Variants in TTC34 observed in about 807,000 individuals in gnomAD.
TTC34 encodes the protein tetratricopeptide repeat protein 34.
A neutral mutation model predicts 40.7 loss-of-function variants in TTC34; 44 were observed. The observed-to-expected ratio is 1.08, with a 90% confidence interval of 0.85 to 1.39. TTC34 has a LOEUF of 1.39. Ranked by LOEUF, TTC34 falls within the 40% of genes most tolerant of loss-of-function variation. The pLI is 0.00. For synonymous variants in TTC34, 422 were observed against 398.6 expected, an observed-to-expected ratio of 1.06 and a Z score of -0.70; for missense variants, 884 against 838.0, an observed-to-expected ratio of 1.05 and a Z score of -0.68.
intron 6 of TTC34, among the ~76,000 whole-genome samples, chr1:2,764,578 A>C (rs1641744631): frequency 7.7e-6 from 1 of 130,036 alleles, no homozygotes; most frequent in Non-Finnish European, 1.7e-5. Flanking sequence ...AGCAGCGCCC[A>C]CACACTGAGG....
At chr1:2,787,811 G>A in intron 3 of TTC34, 105 bp from the exon 4 acceptor site, 6 of 995,114 alleles carry the variant, frequency 6.0e-6, no homozygotes, top group Non-Finnish European at 7.2e-6. Flanking sequence ...CCTGGCCTGG[G>A]CAGCTCCCTC....
intron 6 of TTC34, among the ~76,000 whole-genome samples, chr1:2,671,789 A>T (rs369946105): frequency 0.029 from 3,546 of 122,216 alleles, no homozygotes; most frequent in East Asian, 0.066. Flanking sequence ...CAGCACCCAC[A>T]CACCGAGGTG....
At chr1:2,675,111 GTGCC>G (rs1639853038) in intron 6 of TTC34, among the ~76,000 whole-genome samples, 1 of 2,272 alleles carries the variant, frequency 4.4e-4, no homozygotes, top group Non-Finnish European at 1.1e-3. Flanking sequence ...GCCTGGAGCA[GTGCC>G]CACACCCCCA....
At chr1:2,753,336 C>A (rs1243163544) in intron 6 of TTC34, among the ~76,000 whole-genome samples, 2 of 120,334 alleles carry the variant, frequency 1.7e-5, no homozygotes, top group Middle Eastern at 4.6e-3. Flanking sequence ...TCACCCACAC[C>A]CCCAGACGAG....
intron 6 of TTC34, among the ~76,000 whole-genome samples, chr1:2,759,851 C>T (rs1641635586): frequency 9.7e-5 from 12 of 123,208 alleles, no homozygotes; most frequent in Admixed American, 1.7e-4. Flanking sequence ...CCCAGGTGAG[C>T]ATCTGACAGC....
chr1:2,641,435 T>C (rs1214826883), exon 9 of TTC34: 18 of 1,535,020 alleles, frequency 1.2e-5, no homozygotes, highest in East Asian at 2.4e-5. Context: ...CAGGCCACGG[T>C]GGTCGGGGTC....
At chr1:2,749,454 G>A (rs1350636703) in intron 6 of TTC34, among the ~76,000 whole-genome samples, 5 of 87,282 alleles carry the variant, frequency 5.7e-5, no homozygotes, top group East Asian at 7.5e-4. Flanking sequence ...CCCCAGGTGA[G>A]CATCTGACGG....
intron 6 of TTC34, among the ~76,000 whole-genome samples, chr1:2,750,159 A>ACC (rs1569688444): frequency 0.049 from 3,940 of 80,456 alleles, no homozygotes; most frequent in East Asian, 0.085. Context: ...GAGCAGAACA[A>ACC]ACACCCCCAG....
At chr1:2,784,226 T>C (rs892852709) in intron 5 of TTC34, among the ~76,000 whole-genome samples, 2 of 152,196 alleles carry the variant, frequency 1.3e-5, no homozygotes, top group Non-Finnish European at 2.9e-5. Flanking sequence ...CCTTCCCTCT[T>C]GGGCAGCTGA....
intron 6 of TTC34, among the ~76,000 whole-genome samples, chr1:2,698,703 C>A (rs1379918923): frequency 1.0e-5 from 1 of 96,560 alleles, no homozygotes; most frequent in African/African-American, 4.0e-5. Flanking sequence ...GGTGAGCATT[C>A]GACAGCCTGG....
intron 5 of TTC34, 53 bp from the exon 6 acceptor site, chr1:2,783,828 A>T: frequency 7.2e-7 from 1 of 1,381,950 alleles, no homozygotes; most frequent in Non-Finnish European, 9.5e-7. Context: ...TCCCTTCCCC[A>T]GCATCTATCC....
intron 6 of TTC34, among the ~76,000 whole-genome samples, chr1:2,683,787 C>G (rs1474935089): frequency 1.3e-5 from 2 of 148,540 alleles, no homozygotes; most frequent in East Asian, 2.0e-4. Context: ...TGGAGCAGCA[C>G]GCACACCCCC....
chr1:2,645,220 C>T lies in TTC34; in HGVS notation c.2497+73G>A, dbSNP rs1200999647. 49 of 1,395,232 alleles carry T rather than the reference C, an allele frequency of 3.5e-5. No individual in the cohort carries two copies. Among genetic ancestry groups the T allele is most frequent in the Non-Finnish European group, 4.6e-5 (49 of 1,073,932 alleles). 86.4% of individuals were successfully genotyped at this position (1,395,232 alleles called of 1,614,324 possible). A position where few individuals can be genotyped will look rare whatever the true frequency, so the allele number is the denominator to read the frequency against. On this transcript the variant is annotated intron_variant, in intron 7 of 8. Coordinates refer to ENST00000401095, the Ensembl canonical transcript of TTC34. The surrounding 1 kb of genome is among the most constrained non-coding windows in gnomAD (Gnocchi z 4.7). ...GTCTCTTTCTTCCATTTTTACAGAA[C>T]AGGATACAGAGGTCAGAGGAGCGGG...
chr1:2,759,519 C>G (rs1332919492), intron 6 of TTC34, among the ~76,000 whole-genome samples: 103 of 85,212 alleles, frequency 1.2e-3, no homozygotes, highest in Admixed American at 2.6e-3. Flanking sequence ...GCACCCACAC[C>G]CCCAGATGAG....
chr1:2,759,915 CCTG>C (rs1641638807), intron 6 of TTC34, among the ~76,000 whole-genome samples: 1 of 148,150 alleles, frequency 6.7e-6, no homozygotes, highest in African/African-American at 2.6e-5. Context: ...GGAACATCAC[CCTG>C]CACCCCCAGG....
chr1:2,687,675 C>T, intron 6 of TTC34, among the ~76,000 whole-genome samples: 1 of 151,260 alleles, frequency 6.6e-6, no homozygotes, highest in Admixed American at 6.6e-5. Flanking sequence ...CAGGCTGGAG[C>T]AGCACGCACA....
chr1:2,773,051 C>T (rs1569843815), intron 6 of TTC34, among the ~76,000 whole-genome samples: 3 of 148,482 alleles, frequency 2.0e-5, no homozygotes, highest in Non-Finnish European at 4.5e-5. Context: ...TGGAGCAGCA[C>T]GCACACCCCC....
At chr1:2,753,058 CA>C (rs1641377750) in intron 6 of TTC34, among the ~76,000 whole-genome samples, 1 of 130,638 alleles carries the variant, frequency 7.7e-6, no homozygotes, top group East Asian at 2.3e-4. Context: ...CCCACACCCC[CA>C]GGTGAGCATC....
chr1:2,755,656 CCCACAA>C, intron 6 of TTC34, among the ~76,000 whole-genome samples: 1 of 120,830 alleles, frequency 8.3e-6, no homozygotes. Context: ...TGGAGCAGCA[CCCACAA>C]CCACAGGTGA....
Sources: gnomAD v4.1 joint callset for allele counts (sites outside exome capture counted in the v4.1 genomes callset) on GRCh38, gnomAD v4.1.1 for gene constraint, Gnocchi (gnomAD v3.1) non-coding constraint, MANE v1.5 for transcripts, NCBI Gene and HGNC (gene_info 2026-07-23, HGNC 2026-07-21) for gene names.